The following GPATCH2 variants were observed in gnomAD, a reference collection of about 807,000 sequenced individuals.
The protein encoded by GPATCH2 is G patch domain-containing protein 2.
A neutral mutation model predicts 58.0 loss-of-function variants in GPATCH2; 51 were observed. The ratio of observed to expected loss-of-function variants is 0.88; its 90% CI spans 0.70 to 1.11. The LOEUF (loss-of-function observed/expected upper bound fraction) is 1.11. GPATCH2 is among the 50% of genes most tolerant of loss of function. The pLI is 0.00. For missense variants in GPATCH2, 625 were observed against 652.2 expected, an observed-to-expected ratio of 0.96 and a Z score of 0.45; for synonymous variants, 222 against 218.5, an observed-to-expected ratio of 1.02 and a Z score of -0.14.
chr1:217,512,981 G>T (rs952449662), intron 6 of GPATCH2, among the ~76,000 whole-genome samples: 1 of 152,052 alleles, frequency 6.6e-6, no homozygotes, highest in African/African-American at 2.4e-5. Context: ...TCCTGAATGC[G>T]AACTTTTGTT....
intron 9 of GPATCH2, among the ~76,000 whole-genome samples, chr1:217,433,397 T>TATATATA (rs1209451941): frequency 1.3e-5 from 1 of 79,120 alleles, no homozygotes; most frequent in Non-Finnish European, 3.0e-5. Flanking sequence ...TATTTATTTA[T>TATATATA]TTATTTATTT....
chr1:217,588,361 G>A (rs1367438546), intron 5 of GPATCH2, among the ~76,000 whole-genome samples: 1 of 152,078 alleles, frequency 6.6e-6, no homozygotes, highest in African/African-American at 2.4e-5. Flanking sequence ...AACCAGTAAG[G>A]ATCTACCTAC....
intron 5 of GPATCH2, among the ~76,000 whole-genome samples, chr1:217,571,514 A>T (rs1211251510): frequency 1.2e-5 from 1 of 85,744 alleles, no homozygotes; most frequent in African/African-American, 3.3e-5. Context: ...AAAGACATTA[A>T]AAAAAAAAAG....
intron 7 of GPATCH2, among the ~76,000 whole-genome samples, chr1:217,495,868 A>G (rs1251089503): frequency 1.3e-5 from 2 of 152,236 alleles, no homozygotes; most frequent in African/African-American, 2.4e-5. Flanking sequence ...TATGTATAGT[A>G]AATTGAAATG....
chr1:217,603,812 G>A (rs574041672), intron 5 of GPATCH2, among the ~76,000 whole-genome samples: 10 of 151,566 alleles, frequency 6.6e-5, no homozygotes, highest in Non-Finnish European at 8.8e-5. Context: ...TAGTAGAGAC[G>A]GGGCTTCACC....
At chr1:217,516,882 G>A (rs1391040277) in intron 5 of GPATCH2, among the ~76,000 whole-genome samples, 1 of 152,100 alleles carries the variant, frequency 6.6e-6, no homozygotes, top group South Asian at 2.1e-4. Flanking sequence ...CTATACTTAT[G>A]GAAAAATGTT....
chr1:217,524,227 G>C (rs542543783), intron 5 of GPATCH2, among the ~76,000 whole-genome samples: 1 of 66,418 alleles, frequency 1.5e-5, no homozygotes, highest in African/African-American at 3.8e-5. Context: ...AGACAGGGCG[G>C]TTGCCAGGCA....
At position 217,431,241 on chromosome 1, in the gene GPATCH2, A is replaced by C; in HGVS notation, c.1491T>G (p.Ile497Met). 1 of 1,611,064 alleles carries C rather than the reference A, an allele frequency of 6.2e-7. No individual in the cohort carries two copies. Among genetic ancestry groups the C allele is most frequent in the Non-Finnish European group, 8.5e-7 (1 of 1,177,174 alleles). The part of the protein sequence containing the change: ...GRDGKGISEP[I>M]QAMQRPKGLG... ...ATCCCTTTGGCCTCTGCATGGCTTG[A>C]ATTGGCTCAGAGATCCCCTTGCCAT... is the stretch of plus-strand genomic sequence containing the variant. The change falls in exon 10 of 10, where the codon ATT (isoleucine) becomes ATG (methionine). Residue 497 changes from isoleucine (I) to methionine (M), a missense_variant. Physicochemically the swap from Ile to Met is conservative, Grantham distance 10. Transcript: ENST00000366935.
At chr1:217,601,378 A>G (rs1244609435) in intron 5 of GPATCH2, among the ~76,000 whole-genome samples, 2 of 152,118 alleles carry the variant, frequency 1.3e-5, no homozygotes, top group East Asian at 3.8e-4. Flanking sequence ...ACATTACCCC[A>G]TAAATATGTA....
intron 9 of GPATCH2, among the ~76,000 whole-genome samples, chr1:217,435,252 C>T (rs1658763864): frequency 1.3e-5 from 2 of 152,232 alleles, no homozygotes; most frequent in Admixed American, 6.5e-5. Context: ...CTCCTACTAA[C>T]CTTTCTGCCT....
At chr1:217,494,670 GGAGACGGAGGTTGCAGT>G (rs1271165911) in intron 7 of GPATCH2, among the ~76,000 whole-genome samples, 1 of 152,084 alleles carries the variant, frequency 6.6e-6, no homozygotes, top group African/African-American at 2.4e-5. Flanking sequence ...TTTGAACTCG[GGAGACGGAGGTTGCAGT>G]GAGCCGAGAT....
intron 8 of GPATCH2, among the ~76,000 whole-genome samples, chr1:217,451,509 C>G (rs946861886): frequency 1.3e-5 from 2 of 152,224 alleles, no homozygotes; most frequent in Non-Finnish European, 2.9e-5. Flanking sequence ...CTCCTTTCAA[C>G]TGGTTATAAC....
chr1:217,516,245 CTG>C (rs1235928199), intron 5 of GPATCH2, among the ~76,000 whole-genome samples: 1 of 151,768 alleles, frequency 6.6e-6, no homozygotes, highest in Non-Finnish European at 1.5e-5. Context: ...AAAAAACCCT[CTG>C]TAATTATAGA....
At chr1:217,554,518 C>T (rs770740071) in intron 5 of GPATCH2, among the ~76,000 whole-genome samples, 4 of 152,142 alleles carry the variant, frequency 2.6e-5, no homozygotes, top group African/African-American at 4.8e-5. Context: ...ACTATTAAAA[C>T]TGCCACAATT....
At chr1:217,450,455 C>T (rs993348315) in intron 8 of GPATCH2, among the ~76,000 whole-genome samples, 1 of 152,066 alleles carries the variant, frequency 6.6e-6, no homozygotes, top group Non-Finnish European at 1.5e-5. Flanking sequence ...CTGGAGAGTA[C>T]AGTTATTTCA....
chr1:217,514,597 T>C (rs369917020), intron 6 of GPATCH2, among the ~76,000 whole-genome samples: 2 of 152,364 alleles, frequency 1.3e-5, no homozygotes, highest in South Asian at 2.1e-4. Flanking sequence ...TGCATGAATT[T>C]CAAATACTAT....
At chr1:217,628,008 A>G (rs3790735) in intron 1 of GPATCH2, among the ~76,000 whole-genome samples, 92,124 of 151,872 alleles carry the variant, frequency 0.61, 28,946 homozygotes, top group African/African-American at 0.68. Context: ...GCAAACAGTA[A>G]GTAGGAAATG....
chr1:217,527,944 A>T (rs1033983622), intron 5 of GPATCH2, among the ~76,000 whole-genome samples: 2 of 152,230 alleles, frequency 1.3e-5, no homozygotes, highest in Non-Finnish European at 2.9e-5. Context: ...TCATTTAGTT[A>T]TAACTGCAAC....
intron 6 of GPATCH2, among the ~76,000 whole-genome samples, chr1:217,511,440 T>G (rs1429057669): frequency 6.6e-6 from 1 of 152,234 alleles, no homozygotes; most frequent in East Asian, 1.9e-4. Flanking sequence ...CTGCTGATTC[T>G]GCTAGAAATT....
Sources: allele counts gnomAD v4.1 joint callset (sites outside exome capture counted in the v4.1 genomes callset), GRCh38; gene constraint gnomAD v4.1.1; transcripts MANE v1.5; gene names NCBI Gene and HGNC (gene_info 2026-07-23, HGNC 2026-07-21).